Variants in UNC79 observed in about 807,000 individuals in gnomAD.
UNC79 encodes protein unc-79 homolog.
A neutral mutation model predicts 283.1 loss-of-function variants in UNC79; 37 were observed. The observed-to-expected ratio is 0.13, with a 90% CI of 0.10 to 0.17. The LOEUF (loss-of-function observed/expected upper bound fraction) is 0.17. Among genes scored for constraint, UNC79 ranks in the 10% least tolerant of loss-of-function variants. The probability of loss-of-function intolerance (pLI) is 1.00; values close to 1 mark genes in which losing one functional copy is unlikely to be tolerated. For synonymous variants in UNC79, 1,107 were observed against 1,200.2 expected, an observed-to-expected ratio of 0.92 and a Z score of 1.61; for missense variants, 2,272 against 3,211.1, an observed-to-expected ratio of 0.71 and a Z score of 7.07.
chr14:93,487,448 C>T lies in UNC79; in HGVS notation c.620-215C>T, dbSNP rs565266481. ...ATCACTTTCTGACACTGTTCTGTCTCCTTATAGATTCTCACTCAATTTTCC... is the reference window on the plus strand; with the variant it reads ...ATCACTTTCTGACACTGTTCTGTCTTCTTATAGATTCTCACTCAATTTTCC... On this transcript the variant is annotated intron_variant, in intron 4 of 48. Transcript: ENST00000555664. Among the ~76,000 whole-genome samples the T allele has an allele frequency of 7.0e-4, 107 of 152,206 alleles. 2 individuals carry two copies. Among genetic ancestry groups the T allele is most frequent in the Admixed American group, 6.5e-4 (10 of 15,280 alleles).
intron 1 of UNC79, among the ~76,000 whole-genome samples, chr14:93,460,894 A>T (rs2056943956): frequency 6.6e-6 from 1 of 152,186 alleles, no homozygotes; most frequent in African/African-American, 2.4e-5. Context: ...AAAGAAAAGA[A>T]TATTCTTTGC....
At chr14:93,477,075 C>T (rs182283054) in intron 3 of UNC79, among the ~76,000 whole-genome samples, 16 of 152,298 alleles carry the variant, frequency 1.1e-4, no homozygotes, top group Admixed American at 2.6e-4. Flanking sequence ...CACCAGCTTA[C>T]GGCTTCCCTT....
At chr14:93,698,578 C>T (rs900882638) in intron 47 of UNC79, among the ~76,000 whole-genome samples, 5 of 148,768 alleles carry the variant, frequency 3.4e-5, no homozygotes, top group South Asian at 2.2e-4. Context: ...CTCTGCCTCC[C>T]GGGTTCAAGC....
At chr14:93,569,174 G>A (rs576322111) in intron 14 of UNC79, among the ~76,000 whole-genome samples, 8 of 152,296 alleles carry the variant, frequency 5.3e-5, no homozygotes, top group South Asian at 2.1e-4. Context: ...GGTGGCTCAC[G>A]CCTGTAATCC....
intron 8 of UNC79, among the ~76,000 whole-genome samples, chr14:93,527,058 C>T (rs1399485038): frequency 6.6e-6 from 1 of 152,104 alleles, no homozygotes; most frequent in Non-Finnish European, 1.5e-5. Flanking sequence ...ACTTTTTAGG[C>T]AAAAGCCAAG....
chr14:93,487,796 A>G (rs988726435), intron 5 of UNC79, 41 bp downstream of exon 5: 1 of 1,565,830 alleles, frequency 6.4e-7, no homozygotes, highest in African/African-American at 1.3e-5. Flanking sequence ...TCTAGTACCA[A>G]TAATTAAACA....
chr14:93,581,417 C>G (rs771298661), intron 19 of UNC79, among the ~76,000 whole-genome samples: 1 of 151,392 alleles, frequency 6.6e-6, no homozygotes, highest in Non-Finnish European at 1.5e-5. Flanking sequence ...AGTGATCCTC[C>G]TTGCCTCACC....
At chr14:93,542,610 G>T in exon 14 of UNC79, 1 of 1,614,210 alleles carries the variant, frequency 6.2e-7, no homozygotes, top group South Asian at 1.1e-5. Context: ...GCCTCAGTTT[G>T]TCACCAAATG....
chr14:93,501,310 C>T (rs910692494), intron 7 of UNC79, among the ~76,000 whole-genome samples: 1 of 151,280 alleles, frequency 6.6e-6, no homozygotes, highest in Admixed American at 6.6e-5. Flanking sequence ...GACGACAGAC[C>T]AAGACTCCAT....
chr14:93,571,238 C>T (rs970504371), intron 14 of UNC79, among the ~76,000 whole-genome samples: 6 of 152,174 alleles, frequency 3.9e-5, no homozygotes, highest in Admixed American at 1.3e-4. Context: ...TTAGAATATA[C>T]GATCTCTAAC....
exon 49 of UNC79, chr14:93,706,772 G>T: frequency 6.2e-7 from 1 of 1,614,220 alleles, no homozygotes; most frequent in East Asian, 2.2e-5. Flanking sequence ...ACAGCCTAAG[G>T]ACGCTGCCGG....
In UNC79 at chr14:93,621,756, A is replaced by G. The variant is rs767240082; in HGVS notation, c.4523A>G (p.Asp1508Gly). Residue 1508 changes from aspartate to glycine, a missense_variant, in exon 30 of 49, where the codon GAC becomes GGC. Physicochemically the swap from Asp to Gly is moderately conservative, Grantham distance 94. Coordinates refer to ENST00000555664, the Ensembl canonical transcript of UNC79. This position sits in a 1 kb window ranked among gnomAD's most constrained non-coding sequence, Gnocchi z 4.8. Reference sequence around the variant, plus strand: ...AAATCTCTTGATATAGGGAATGCAGACTCGCTTTTGTTTACATTAGACGAA... The same window carrying G: ...AAATCTCTTGATATAGGGAATGCAGGCTCGCTTTTGTTTACATTAGACGAA... The G allele has an allele frequency of 1.2e-6, 2 of 1,614,136 alleles. No homozygotes were observed. The highest frequency in any genetic ancestry group is 4.5e-5 in the East Asian group (2 of 44,874).
intron 41 of UNC79, 108 bp from the exon 45 acceptor site, chr14:93,682,509 G>A (rs1340964019): frequency 3.7e-5 from 35 of 946,036 alleles, no homozygotes; most frequent in Non-Finnish European, 4.1e-5. Flanking sequence ...AAGGCAGATC[G>A]TCATGAAAAT....
chr14:93,674,622 G>A (rs148722595), intron 41 of UNC79, among the ~76,000 whole-genome samples: 270 of 152,346 alleles, frequency 1.8e-3, no homozygotes, highest in African/African-American at 6.2e-3. Flanking sequence ...GGGCCTACAA[G>A]CTGAGGGTTA....
chr14:93,602,794 C>T (rs2065608178), intron 25 of UNC79, among the ~76,000 whole-genome samples: 1 of 152,090 alleles, frequency 6.6e-6, no homozygotes, highest in Non-Finnish European at 1.5e-5. Flanking sequence ...GGGTGAGCCA[C>T]CATACCTGGC....
chr14:93,520,932 C>T (rs1327896206), intron 7 of UNC79, among the ~76,000 whole-genome samples: 1 of 151,900 alleles, frequency 6.6e-6, no homozygotes, highest in African/African-American at 2.4e-5. Context: ...TGACATTTTA[C>T]CCCCTTTTCA....
chr14:93,697,416 G>T (rs1030240410), intron 47 of UNC79, among the ~76,000 whole-genome samples: 1 of 152,250 alleles, frequency 6.6e-6, no homozygotes, highest in South Asian at 2.1e-4. Context: ...GATTATAGGT[G>T]TGAGCCACTA....
chr14:93,595,231 G>A (rs560426131), intron 23 of UNC79, among the ~76,000 whole-genome samples: 22 of 151,714 alleles, frequency 1.5e-4, no homozygotes, highest in African/African-American at 4.1e-4. Context: ...CTGGGACTAC[G>A]GGCACCTGCC....
chr14:93,395,447 G>A (rs989299065), intron 1 of UNC79, among the ~76,000 whole-genome samples: 1 of 152,170 alleles, frequency 6.6e-6, no homozygotes, highest in Admixed American at 6.5e-5. Flanking sequence ...TCTTACCATG[G>A]TGGAGCAGGA....
Sources: allele counts gnomAD v4.1 joint callset (sites outside exome capture counted in the v4.1 genomes callset), GRCh38; gene constraint gnomAD v4.1.1; non-coding constraint Gnocchi (gnomAD v3.1); transcripts MANE v1.5; gene names NCBI Gene and HGNC (gene_info 2026-07-23, HGNC 2026-07-21).